Variants in PKN2 observed in about 807,000 individuals in gnomAD.
The protein encoded by PKN2 is serine/threonine-protein kinase N2.
A neutral mutation model predicts 119.1 loss-of-function variants in PKN2; 38 were observed. That is an observed-to-expected ratio of 0.32 (90% confidence interval 0.25 to 0.42). The LOEUF (loss-of-function observed/expected upper bound fraction) is 0.42. PKN2 is among the 10% of genes least tolerant of loss of function. The pLI is 1.00. For missense variants in PKN2, 850 were observed against 1,165.1 expected, an observed-to-expected ratio of 0.73 and a Z score of 3.94; for synonymous variants, 390 against 384.9, an observed-to-expected ratio of 1.01 and a Z score of -0.15.
At chr1:88,779,945 A>G (rs1202676590) in intron 6 of PKN2, among the ~76,000 whole-genome samples, 1 of 152,232 alleles carries the variant, frequency 6.6e-6, no homozygotes, top group Non-Finnish European at 1.5e-5. Context: ...GATGCACAGC[A>G]TTATCTGTAC....
intron 2 of PKN2, 90 bp from the exon 3 acceptor site, chr1:88,760,132 G>T: frequency 3.7e-5 from 25 of 670,924 alleles, no homozygotes; most frequent in Admixed American, 5.5e-5. Flanking sequence ...CTCAAAGTTT[G>T]AAAAATGCTG....
chr1:88,760,227 C>G lies in PKN2; in HGVS notation c.355C>G (p.Pro119Ala), dbSNP rs763373764. The G allele has an allele frequency of 1.3e-6, 2 of 1,531,154 alleles. No homozygotes were observed. The highest frequency in any genetic ancestry group is 2.4e-5 in the South Asian group (2 of 85,098). 94.8% of individuals were successfully genotyped at this position (1,531,154 alleles called of 1,614,324 possible). The change falls in exon 3 of 22, where the codon CCA becomes GCA. Residue 119 changes from proline to alanine, a missense_variant. Coordinates refer to ENST00000370521, the MANE Select transcript of PKN2 (RefSeq NM_006256.4). ...TAACAATATTTTATTTACAGATTGC[C>G]CAAGGACTCCAGATACTCCAAATAA... is the stretch of plus-strand genomic sequence containing the variant. ...VSDPEDITDC[P>A]RTPDTPNNDP...
chr1:88,797,334 TA>T (rs1305618821), intron 8 of PKN2, among the ~76,000 whole-genome samples: 617 of 125,942 alleles, frequency 4.9e-3, no homozygotes, highest in Admixed American at 6.0e-3. Context: ...AACTCTATCT[TA>T]AAAAAAAAAA....
chr1:88,715,258 G>T (rs1368151227), intron 1 of PKN2, among the ~76,000 whole-genome samples: 1 of 152,052 alleles, frequency 6.6e-6, no homozygotes. Flanking sequence ...TCTCTGCCAG[G>T]CTTTGCTATA....
At chr1:88,825,998 C>T (rs541456353) in intron 18 of PKN2, among the ~76,000 whole-genome samples, 69 of 152,316 alleles carry the variant, frequency 4.5e-4, no homozygotes, top group Middle Eastern at 3.4e-3. Context: ...TGTCATTCAA[C>T]TCAAGTGTAA....
intron 16 of PKN2, 145 bp from the exon 17 acceptor site, chr1:88,821,796 T>C (rs1672303820): frequency 5.1e-6 from 3 of 593,862 alleles, no homozygotes; most frequent in Non-Finnish European, 5.3e-6. Flanking sequence ...CCCTAATATC[T>C]AGCACAATGT....
At chr1:88,798,187 A>G (rs1479545128) in intron 8 of PKN2, among the ~76,000 whole-genome samples, 1 of 151,758 alleles carries the variant, frequency 6.6e-6, no homozygotes, top group Non-Finnish European at 1.5e-5. Context: ...CTTGCATACA[A>G]AATTTTAAAA....
intron 1 of PKN2, among the ~76,000 whole-genome samples, chr1:88,725,980 G>T (rs1022828456): frequency 1.1e-4 from 16 of 152,214 alleles, no homozygotes; most frequent in African/African-American, 3.9e-4. Flanking sequence ...CTGGTATTGT[G>T]TTTTTAACTT....
intron 1 of PKN2, among the ~76,000 whole-genome samples, chr1:88,735,617 AC>A (rs1668316854): frequency 1.4e-4 from 2 of 14,472 alleles, no homozygotes; most frequent in African/African-American, 5.2e-4. Flanking sequence ...CCCCCCCCCC[AC>A]CCCCAATCTT....
At chr1:88,722,159 A>T (rs1167845347) in intron 1 of PKN2, among the ~76,000 whole-genome samples, 1 of 152,222 alleles carries the variant, frequency 6.6e-6, no homozygotes, top group Non-Finnish European at 1.5e-5. Context: ...CAAGCACATA[A>T]GATTATAAGA....
intron 8 of PKN2, among the ~76,000 whole-genome samples, chr1:88,797,126 G>C (rs1389169955): frequency 1.3e-5 from 2 of 151,906 alleles, no homozygotes; most frequent in African/African-American, 4.8e-5. Flanking sequence ...CTGAGGTCAG[G>C]AGTTCAAGAC....
chr1:88,775,009 T>G (rs749122832), intron 6 of PKN2, among the ~76,000 whole-genome samples: 12 of 152,184 alleles, frequency 7.9e-5, no homozygotes, highest in Non-Finnish European at 1.6e-4. Context: ...ATGCCCAGCC[T>G]CTATTCTTAC....
At chr1:88,760,139 G>T in intron 2 of PKN2, 83 bp from the exon 3 acceptor site, 20 of 723,666 alleles carry the variant, frequency 2.8e-5, no homozygotes, top group Non-Finnish European at 3.3e-5. Flanking sequence ...TTTGAAAAAT[G>T]CTGTTTATTT....
intron 1 of PKN2, among the ~76,000 whole-genome samples, chr1:88,708,798 T>A (rs1280321004): frequency 6.6e-6 from 1 of 152,046 alleles, no homozygotes; most frequent in Non-Finnish European, 1.5e-5. Context: ...TTTTGGAGAT[T>A]ACATTTATGT....
intron 16 of PKN2, among the ~76,000 whole-genome samples, chr1:88,820,218 AT>A (rs1557634930): frequency 9.5e-4 from 109 of 114,794 alleles, no homozygotes; most frequent in Non-Finnish European, 1.4e-3. Flanking sequence ...ATATATATAT[AT>A]ATATATATAT....
At chr1:88,813,453 T>C (rs2100895226) in intron 15 of PKN2, 104 bp from the exon 16 acceptor site, 2 of 729,370 alleles carry the variant, frequency 2.7e-6, no homozygotes, top group East Asian at 2.9e-5. Context: ...TTTTAAGTTA[T>C]AGTTAAAATT....
intron 20 of PKN2, 106 bp downstream of exon 20, chr1:88,832,957 T>C: frequency 1.6e-6 from 2 of 1,226,288 alleles, no homozygotes; most frequent in Non-Finnish European, 2.3e-6. Flanking sequence ...AGTTCATAAA[T>C]GTTGCATGGC....
At chr1:88,714,216 G>A (rs2100691813) in intron 1 of PKN2, among the ~76,000 whole-genome samples, 1 of 152,306 alleles carries the variant, frequency 6.6e-6, no homozygotes, top group African/African-American at 2.4e-5. Flanking sequence ...CAGGTAGCAT[G>A]ATGCCTCCAG....
Position 88,775,949 on chromosome 1 carries a change from CA to C in PKN2, c.985+4079del, listed in dbSNP as rs71584927. ...TGAAACCTCATCTCTACTAAAAATA[CA>C]AAAAAAAATTAGCCGGGCGTGGTGG... On this transcript the variant is annotated intron_variant, in intron 6 of 21. Coordinates refer to ENST00000370521, the MANE Select transcript of PKN2 (RefSeq NM_006256.4). Among the ~76,000 whole-genome samples the C allele has an allele frequency of 8.0e-5, 12 of 150,392 alleles. 1 individual carries two copies. The highest frequency in any genetic ancestry group is 7.9e-4 in the Admixed American group (12 of 15,108).
Sources: allele counts gnomAD v4.1 joint callset (sites outside exome capture counted in the v4.1 genomes callset), GRCh38; gene constraint gnomAD v4.1.1; transcripts MANE v1.5; gene names NCBI Gene and HGNC (gene_info 2026-07-23, HGNC 2026-07-21).